Variants in MEGF11 observed in about 807,000 individuals in gnomAD.
MEGF11 encodes the protein multiple EGF like domains 11, also known as multiple epidermal growth factor-like domains protein 11.
Under a neutral mutation model 146.6 loss-of-function variants are expected in MEGF11, and 126 were observed. The observed-to-expected ratio is 0.86, with a 90% CI of 0.74 to 1.00. The LOEUF is 1.00. Ranked by LOEUF, MEGF11 falls within the 50% of genes least tolerant of loss-of-function variation. MEGF11 has a pLI of 0.00. For missense variants in MEGF11, 1,509 were observed against 1,521.2 expected (o/e 0.99, Z 0.13); for synonymous variants, 532 against 583.4 (o/e 0.91, Z 1.27).
At chr15:66,193,685 G>A (rs903902533) in intron 1 of MEGF11, among the ~76,000 whole-genome samples, 1 of 152,046 alleles carries the variant, frequency 6.6e-6, no homozygotes, top group African/African-American at 2.4e-5. Flanking sequence ...TTGAGTTTGT[G>A]TGGAATTTGG....
rs775209778 is a variant in MEGF11, at chr15:65,982,478, G to A, written c.405C>T (p.Ser135=). Residue 135 remains serine, a synonymous_variant, in exon 6 of 26, where the codon AGC becomes AGT. Coordinates refer to ENST00000395614, the MANE Select transcript of MEGF11 (RefSeq NM_001385028.1). This position sits in a 1 kb window ranked among gnomAD's most constrained non-coding sequence, Gnocchi z 5.6. ...GGPDCSSGCD[S]DHWGPHCSNR... The stretch of plus-strand genomic sequence containing the variant: ...TGCTGCAGTGGGGCCCCCAGTGGTC[G>A]CTGTCGCAGCCTGCAAGAGACGGGA... 14 of 1,476,300 alleles carry A rather than the reference G, an allele frequency of 9.5e-6. No homozygotes were observed. The highest frequency in any genetic ancestry group is 1.9e-4 in the Middle Eastern group (1 of 5,156). 91.5% of individuals were successfully genotyped at this position (1,476,300 alleles called of 1,614,324 possible). A position where few individuals can be genotyped will look rare whatever the true frequency, so the allele number is the denominator to read the frequency against.
At chr15:66,150,168 T>A (rs1438543834) in intron 1 of MEGF11, among the ~76,000 whole-genome samples, 2 of 152,154 alleles carry the variant, frequency 1.3e-5, no homozygotes, top group African/African-American at 4.8e-5. Context: ...AAAGCTGTGG[T>A]CCCTCCAGCC....
In MEGF11 at chr15:65,906,108, T is replaced by A. The variant is rs776041613; in HGVS notation, c.3032A>T (p.Tyr1011Phe). Residue 1011 changes from tyrosine (Y) to phenylalanine (F), a missense_variant, in exon 24 of 26, where the codon TAC becomes TTC. Transcript: ENST00000395614. ...ACGMDRRQNT[Y>F]IMDKGFKDYM... ...ACCTTTGAAGCCTTTGTCCATAATG[T>A]ATGTGTTCTGACGTCTATCCATTCC... The A allele has an allele frequency of 2.5e-6, 4 of 1,611,238 alleles. No individual in the cohort carries two copies. The East Asian group carries it at 8.9e-5, about 36-fold the overall frequency.
In MEGF11 at chr15:65,925,866, G is replaced by C. The variant is rs201817467; in HGVS notation, c.1675+2559C>G. ...GAAGCCTTCTTGGATGTCTGCCCAG[G>C]GAGACAAGCATCTCTTTGATAATCA... On this transcript the variant is annotated intron_variant, in intron 13 of 25. Transcript: ENST00000395614. Among the ~76,000 whole-genome samples the C allele has an allele frequency of 3.3e-5, 5 of 152,216 alleles. No homozygotes were observed. The East Asian group carries it at 9.6e-4, about 29-fold the overall frequency.
chr15:66,017,255 G>A (rs1365333243), intron 5 of MEGF11, among the ~76,000 whole-genome samples: 1 of 152,160 alleles, frequency 6.6e-6, no homozygotes, highest in Non-Finnish European at 1.5e-5. Context: ...CAGCCTGGGA[G>A]CCACCTCAGG....
At chr15:66,060,014 G>A (rs369999895) in intron 5 of MEGF11, among the ~76,000 whole-genome samples, 1 of 152,022 alleles carries the variant, frequency 6.6e-6, no homozygotes, top group African/African-American at 2.4e-5. Context: ...GTGGGTGGGG[G>A]AGCATTAGGA....
intron 1 of MEGF11, among the ~76,000 whole-genome samples, chr15:66,252,410 G>C (rs2092386887): frequency 6.6e-6 from 1 of 152,236 alleles, no homozygotes; most frequent in Non-Finnish European, 1.5e-5. Flanking sequence ...CTCTTGGAGG[G>C]ATGGAGAGTG....
At chr15:65,993,671 T>G (rs1310437131) in intron 5 of MEGF11, among the ~76,000 whole-genome samples, 1 of 151,766 alleles carries the variant, frequency 6.6e-6, no homozygotes, top group Non-Finnish European at 1.5e-5. Flanking sequence ...AGGGAGAGGG[T>G]AGGGATCAAG....
chr15:66,006,310 C>T (rs2082519561), intron 5 of MEGF11, among the ~76,000 whole-genome samples: 1 of 152,162 alleles, frequency 6.6e-6, no homozygotes, highest in South Asian at 2.1e-4. Flanking sequence ...GTTTTATGCA[C>T]CTAGGCACCA....
At chr15:65,944,374 G>T (rs1380217342) in intron 10 of MEGF11, among the ~76,000 whole-genome samples, 1 of 152,242 alleles carries the variant, frequency 6.6e-6, no homozygotes, top group African/African-American at 2.4e-5. Context: ...GCAGGATGTG[G>T]CTGAGGGGGA....
At chr15:66,160,230 C>T (rs1021586166) in intron 1 of MEGF11, among the ~76,000 whole-genome samples, 1 of 134,758 alleles carries the variant, frequency 7.4e-6, no homozygotes, top group Non-Finnish European at 1.5e-5. Context: ...ACAAAGCCTC[C>T]CAAGGAAAAG....
chr15:66,131,821 T>C (rs2088657329), intron 1 of MEGF11, among the ~76,000 whole-genome samples: 1 of 152,208 alleles, frequency 6.6e-6, no homozygotes, highest in Admixed American at 6.5e-5. Flanking sequence ...ACTTTTTATT[T>C]CACCCAATAT....
intron 1 of MEGF11, among the ~76,000 whole-genome samples, chr15:66,131,621 G>T (rs937478405): frequency 1.3e-5 from 2 of 152,204 alleles, no homozygotes; most frequent in African/African-American, 4.8e-5. Flanking sequence ...CCTCTGGAGG[G>T]CATTCTCTAC....
intron 1 of MEGF11, among the ~76,000 whole-genome samples, chr15:66,139,561 A>G (rs538129530): frequency 6.6e-6 from 1 of 152,084 alleles, no homozygotes; most frequent in Admixed American, 6.5e-5. Flanking sequence ...TTAGTGGATT[A>G]TGAAAGAAGG....
At chr15:66,085,107 T>G (rs889538446) in intron 5 of MEGF11, among the ~76,000 whole-genome samples, 4 of 152,014 alleles carry the variant, frequency 2.6e-5, no homozygotes, top group Non-Finnish European at 5.9e-5. Flanking sequence ...GCCATAATCC[T>G]CCTAGGTACA....
chr15:66,157,033 C>T (rs1371855365), intron 1 of MEGF11, among the ~76,000 whole-genome samples: 1 of 152,162 alleles, frequency 6.6e-6, no homozygotes, highest in African/African-American at 2.4e-5. Context: ...TCAACCAGAC[C>T]ACCACTCCTC....
chr15:65,898,132 T>C (rs1165626073), intron 25 of MEGF11, 38 bp from the exon 26 acceptor site: 3 of 1,577,152 alleles, frequency 1.9e-6, no homozygotes, highest in African/African-American at 1.4e-5. Context: ...AGAGAACAGA[T>C]TAGCTTTGGT....
chr15:66,161,061 A>G (rs536981207), intron 1 of MEGF11, among the ~76,000 whole-genome samples: 1 of 152,318 alleles, frequency 6.6e-6, no homozygotes, highest in East Asian at 1.9e-4. Flanking sequence ...ACATGAGGTC[A>G]CAGCCTTAGC....
chr15:65,965,571 C>CCTTTCTTTCTTTCTTTCTTTCTTTCTTT (rs1185795809), intron 8 of MEGF11, among the ~76,000 whole-genome samples: 15 of 66,608 alleles, frequency 2.3e-4, no homozygotes, highest in Admixed American at 5.8e-4. Flanking sequence ...CAGTGAGGTC[C>CCTTTCTTTCTTTCTTTCTTTCTTTCTTT]CTTTCTTTCT....
Sources: gnomAD v4.1 joint callset for allele counts (sites outside exome capture counted in the v4.1 genomes callset) on GRCh38, gnomAD v4.1.1 for gene constraint, Gnocchi (gnomAD v3.1) non-coding constraint, MANE v1.5 for transcripts, NCBI Gene and HGNC (gene_info 2026-07-23, HGNC 2026-07-21) for gene names.